NDNF: variants seen among roughly 807,000 people sequenced by gnomAD.
NDNF encodes neuron derived neurotrophic factor, also known as protein NDNF.
Under a neutral mutation model 42.0 loss-of-function variants are expected in NDNF, and 16 were observed. That is an observed-to-expected ratio of 0.38 (90% CI 0.26 to 0.58). The LOEUF (loss-of-function observed/expected upper bound fraction) is 0.58, where lower values mean the gene tolerates loss of function less well. NDNF is among the 20% of genes least tolerant of loss of function. The pLI, the probability that NDNF is intolerant of heterozygous loss-of-function variation, is 0.67. For synonymous variants in NDNF, 248 were observed against 251.7 expected (o/e 0.99, Z 0.14); for missense variants, 616 against 666.2 (o/e 0.92, Z 0.83).
At chr4:121,070,194 G>A (rs574136889) in intron 1 of NDNF, among the ~76,000 whole-genome samples, 2 of 149,912 alleles carry the variant, frequency 1.3e-5, no homozygotes, top group Admixed American at 1.3e-4. Context: ...TCTGAGCGAA[G>A]GTTGCGGCCT....
rs1014914987 is a variant in NDNF at position 121,037,114 on chromosome 4, A to G, written c.857T>C (p.Val286Ala). 5 of 1,613,758 alleles carry G rather than the reference A, an allele frequency of 3.1e-6. No individual in the cohort carries two copies. The African/African-American group carries it at 5.3e-5, about 17-fold the overall frequency. Residue 286 changes from valine (V) to alanine (A), a missense_variant, in exon 4 of 4, where the codon GTT becomes GCT. Coordinates refer to ENST00000379692, the MANE Select transcript of NDNF (RefSeq NM_024574.4). ...TCCTATGCAGATTTTCTGAATATCA[A>G]CCTTGGGCCTGGAGTAGACATGACG... ...LGRHVYSRPK[V>A]DIQKICIGNK...
At chr4:121,048,309 CA>C (rs1393113680) in intron 1 of NDNF, among the ~76,000 whole-genome samples, 2 of 152,226 alleles carry the variant, frequency 1.3e-5, no homozygotes, top group Admixed American at 6.5e-5. Flanking sequence ...GCGAGATACA[CA>C]GGCATATTTG....
chr4:121,036,908 C>G lies in NDNF; in HGVS notation c.1063G>C (p.Val355Leu). Residue 355 changes from valine (V) to leucine (L), a missense_variant, in exon 4 of 4, where the codon GTT becomes CTT. Physicochemically the swap from Val to Leu is conservative, Grantham distance 32. Transcript: ENST00000379692. ...LKDGKITDVF[V>L]KRKGAKFLRF... is the part of the protein sequence containing the mutation. ...AGAAACTTTGCTCCCTTCCTTTTAACAAATACATCTGTTATCTTCCCATCT... is the reference window on the plus strand; with the variant it reads ...AGAAACTTTGCTCCCTTCCTTTTAAGAAATACATCTGTTATCTTCCCATCT... 6.2e-7 allele frequency: 1 copy of G among 1,613,974 alleles called. No individual in the cohort carries two copies. The highest frequency in any genetic ancestry group is 8.5e-7 in the Non-Finnish European group (1 of 1,179,988).
chr4:121,063,819 A>T (rs1727456625), intron 1 of NDNF, among the ~76,000 whole-genome samples: 1 of 152,162 alleles, frequency 6.6e-6, no homozygotes, highest in Non-Finnish European at 1.5e-5. Context: ...AGATATGGGG[A>T]TTATTTATCA....
chr4:121,036,829 CAA>C lies in NDNF; in HGVS notation c.1140_1141del (p.Cys381SerfsTer29). 6.2e-7 allele frequency: 1 copy of C among 1,614,124 alleles called. No individual in the cohort carries two copies. The highest frequency in any genetic ancestry group is 2.2e-5 in the East Asian group (1 of 44,882). On this transcript the variant is annotated frameshift_variant, in exon 4 of 4. Coordinates refer to ENST00000379692, the MANE Select transcript of NDNF (RefSeq NM_024574.4). LOFTEE classifies it high-confidence loss of function. ...CACTTGGATTTGGACAGCATCCAGA[CAA>C]GAGTGAATAAAGAAGGTGACTTTTT...
intron 1 of NDNF, among the ~76,000 whole-genome samples, chr4:121,062,405 C>T (rs1727427862): frequency 6.6e-6 from 1 of 152,194 alleles, no homozygotes; most frequent in Non-Finnish European, 1.5e-5. Context: ...GTGTTGAGAT[C>T]AGAGCACTGA....
At chr4:121,052,048 A>T (rs1436557130) in intron 1 of NDNF, among the ~76,000 whole-genome samples, 1 of 152,216 alleles carries the variant, frequency 6.6e-6, no homozygotes, top group Non-Finnish European at 1.5e-5. Flanking sequence ...TCAGAACAGC[A>T]GCCAACAGCT....
At chr4:121,055,939 C>T (rs1185475405) in intron 1 of NDNF, among the ~76,000 whole-genome samples, 2 of 152,098 alleles carry the variant, frequency 1.3e-5, no homozygotes, top group African/African-American at 2.4e-5. Flanking sequence ...GGCATATTTT[C>T]GTCCTGGAAA....
intron 1 of NDNF, chr4:121,071,780 A>AAC (rs386401318): frequency 6.6e-6 from 1 of 151,606 alleles, no homozygotes; most frequent in Non-Finnish European, 1.5e-5. Context: ...AAAAAAAAAA[A>AAC]AACGAGGGAA....
chr4:121,051,605 C>T (rs935222108), intron 1 of NDNF, among the ~76,000 whole-genome samples: 4 of 152,132 alleles, frequency 2.6e-5, no homozygotes, highest in Non-Finnish European at 5.9e-5. Context: ...ATTCAACTTG[C>T]CCCAGAATGT....
At chr4:121,046,944 T>G (rs1727104975) in intron 1 of NDNF, among the ~76,000 whole-genome samples, 1 of 152,214 alleles carries the variant, frequency 6.6e-6, no homozygotes, top group Non-Finnish European at 1.5e-5. Context: ...TGTAAAGAAT[T>G]GTTTTCCTTT....
intron 1 of NDNF, among the ~76,000 whole-genome samples, chr4:121,049,898 C>A (rs1727159578): frequency 6.6e-6 from 1 of 152,152 alleles, no homozygotes; most frequent in Non-Finnish European, 1.5e-5. Flanking sequence ...GTATGGACCC[C>A]AAACACAGGA....
At chr4:121,055,919 G>A (rs930763490) in intron 1 of NDNF, among the ~76,000 whole-genome samples, 1 of 152,130 alleles carries the variant, frequency 6.6e-6, no homozygotes, top group Non-Finnish European at 1.5e-5. Flanking sequence ...AGAGAAGAAA[G>A]AAGTCCAAAG....
At chr4:121,045,624 TA>T in intron 2 of NDNF, 25 bp downstream of exon 2, 2 of 1,593,062 alleles carry the variant, frequency 1.3e-6, no homozygotes, top group Non-Finnish European at 1.7e-6. Context: ...AGCTTTTTAA[TA>T]AAGAAAATAC....
intron 2 of NDNF, among the ~76,000 whole-genome samples, chr4:121,040,606 C>T (rs1315518651): frequency 6.6e-6 from 1 of 152,176 alleles, no homozygotes; most frequent in East Asian, 1.9e-4. Context: ...CACATTTTTA[C>T]ATTAGTGACT....
intron 2 of NDNF, among the ~76,000 whole-genome samples, chr4:121,041,128 C>T (rs753716774): frequency 6.6e-6 from 1 of 152,130 alleles, no homozygotes; most frequent in Non-Finnish European, 1.5e-5. Flanking sequence ...TGTGCTTTCC[C>T]CTGAGCCTTT....
At chr4:121,060,579 A>T (rs1284277812) in intron 1 of NDNF, among the ~76,000 whole-genome samples, 1 of 152,218 alleles carries the variant, frequency 6.6e-6, no homozygotes, top group Non-Finnish European at 1.5e-5. Flanking sequence ...GGAGACGGTG[A>T]CAAGATTCAA....
At chr4:121,040,828 C>T (rs1288771571) in intron 2 of NDNF, among the ~76,000 whole-genome samples, 1 of 152,050 alleles carries the variant, frequency 6.6e-6, no homozygotes. Context: ...TTTTTTTGTA[C>T]AGATGGGGGT....
intron 1 of NDNF, among the ~76,000 whole-genome samples, chr4:121,068,190 T>C (rs1727532867): frequency 6.6e-6 from 1 of 152,238 alleles, no homozygotes; most frequent in East Asian, 1.9e-4. Flanking sequence ...ACTTTTTTTT[T>C]CTAGGAGGAA....
Sources: gnomAD v4.1 joint callset for allele counts (sites outside exome capture counted in the v4.1 genomes callset) on GRCh38, gnomAD v4.1.1 for gene constraint, MANE v1.5 for transcripts, NCBI Gene and HGNC (gene_info 2026-07-23, HGNC 2026-07-21) for gene names.